The following POLR1C variants were observed in gnomAD, a reference collection of about 807,000 sequenced individuals.
The protein encoded by POLR1C is DNA-directed RNA polymerases I and III subunit RPAC1.
A neutral mutation model predicts 38.3 loss-of-function variants in POLR1C; 42 were observed. The ratio of observed to expected loss-of-function variants is 1.10; its 90% CI spans 0.86 to 1.42. The LOEUF (loss-of-function observed/expected upper bound fraction) is 1.42. POLR1C is among the 40% of genes most tolerant of loss of function. The pLI is 0.00. For missense variants in POLR1C, 507 were observed against 450.5 expected (o/e 1.13, Z -1.14); for synonymous variants, 163 against 163.9 (o/e 0.99, Z 0.04).
At chr6:43,553,403 G>T (rs1435142612) in intron 10 of POLR1C, 1 of 1,607,832 alleles carries the variant, frequency 6.2e-7, no homozygotes, top group East Asian at 2.2e-5. Context: ...ACATCTGGGT[G>T]ATAACACTTT....
intron 8 of POLR1C, chr6:43,528,076 C>T: frequency 1.4e-6 from 2 of 1,382,246 alleles, no homozygotes; most frequent in South Asian, 1.3e-5. Context: ...CCTGGGACAG[C>T]AGAATCCCTG....
chr6:43,525,918 T>C (rs1468330709), downstream of POLR1C: 1 of 1,613,970 alleles, frequency 6.2e-7, no homozygotes, highest in Non-Finnish European at 8.5e-7. Context: ...CATCATTTCT[T>C]CATCTGTTAT....
At chr6:43,537,140 CTT>C (rs70990198) in intron 9 of POLR1C, among the ~76,000 whole-genome samples, 14 of 137,128 alleles carry the variant, frequency 1.0e-4, no homozygotes, top group Admixed American at 2.2e-4. Context: ...ATAATTAAAA[CTT>C]TTTTTTTTTT....
chr6:43,536,758 T>TAAAAAAAAAAAAAAAAA (rs1156884252), intron 9 of POLR1C, among the ~76,000 whole-genome samples: 3 of 19,100 alleles, frequency 1.6e-4, no homozygotes, highest in Admixed American at 8.9e-4. Context: ...AGACTCTATC[T>TAAAAAAAAAAAAAAAAA]AAAAAAAAAA....
exon 11 of POLR1C, chr6:43,562,066 T>C: frequency 2.2e-6 from 1 of 455,030 alleles, no homozygotes; most frequent in East Asian, 3.4e-5. Flanking sequence ...AAAAGAAATT[T>C]AGATCACTCA....
chr6:43,520,209 G>A (rs200847882), intron 5 of POLR1C, 24 bp downstream of exon 5: 1 of 1,614,024 alleles, frequency 6.2e-7, no homozygotes, highest in African/African-American at 1.3e-5. Context: ...GGGTGAGGAA[G>A]AGGCCCCACC....
At chr6:43,542,147 A>AT (rs936344999) in intron 9 of POLR1C, among the ~76,000 whole-genome samples, 2 of 152,036 alleles carry the variant, frequency 1.3e-5, no homozygotes, top group African/African-American at 4.8e-5. Flanking sequence ...AGTCATTTTT[A>AT]TTTTTTAATT....
At chr6:43,529,378 TAAAAAAAA>T (rs35493258) in exon 9 of POLR1C, 18 of 121,816 alleles carry the variant, frequency 1.5e-4, no homozygotes, top group Admixed American at 9.5e-4. Context: ...CCGTCTCTAC[TAAAAAAAA>T]AAAAAAAAAA....
intron 9 of POLR1C, chr6:43,547,448 T>G: frequency 1.4e-6 from 1 of 720,562 alleles, no homozygotes. Flanking sequence ...ACTCAAGAAT[T>G]CAAGACTAAA....
rs751891968 is a variant in POLR1C at position 43,519,667 on chromosome 6, T to C, written c.250-39T>C. ...TTACGGGGATAGGTAGGGGGTCTGTTGGGTTTTTGCAGATAAGTGGTTATT... is the reference window on the plus strand; with the variant it reads ...TTACGGGGATAGGTAGGGGGTCTGTCGGGTTTTTGCAGATAAGTGGTTATT... On this transcript the variant is annotated intron_variant, in intron 3 of 8. Coordinates refer to ENST00000642195, the MANE Select transcript of POLR1C (RefSeq NM_203290.4). 1.9e-6 allele frequency: 3 copies of C among 1,614,112 alleles called. No homozygotes were observed. In the South Asian group the frequency reaches 3.3e-5, roughly 18 times the overall value.
downstream of POLR1C, among the ~76,000 whole-genome samples, chr6:43,532,661 T>G (rs1417326366): frequency 6.6e-6 from 1 of 152,190 alleles, no homozygotes; most frequent in Admixed American, 6.5e-5. Flanking sequence ...CCTAGCTAGT[T>G]CGTACTCATC....
rs1220959971 is a variant in POLR1C at position 43,521,315 on chromosome 6, G to C, written c.*15G>C. The C allele has an allele frequency of 6.2e-7, 1 of 1,611,928 alleles. No homozygotes were observed. The highest frequency in any genetic ancestry group is 8.5e-7 in the Non-Finnish European group (1 of 1,179,950). ...AGATGGACTGAGCTTGGATGCTTCTGAGGCAAGCTGAAGCTTTGGGTTCTG... is the reference window on the plus strand; with the variant it reads ...AGATGGACTGAGCTTGGATGCTTCTCAGGCAAGCTGAAGCTTTGGGTTCTG... On this transcript the variant is annotated 3_prime_UTR_variant, in exon 9 of 9. Coordinates refer to ENST00000642195, the MANE Select transcript of POLR1C (RefSeq NM_203290.4).
intron 9 of POLR1C, chr6:43,548,529 A>G: frequency 7.4e-7 from 1 of 1,357,002 alleles, no homozygotes; most frequent in Admixed American, 3.0e-5. Flanking sequence ...TGGCTTACTC[A>G]AGGAAGAAAG....
At position 43,557,165 on chromosome 6, in the gene POLR1C, G is replaced by A. The variant is rs1009614371; in HGVS notation, c.*49-4235G>A. On this transcript the variant is annotated intron_variant, in intron 10 of 10. Coordinates refer to the POLR1C transcript ENST00000607635. ...AAAAAGGCTGGGTGTGGTGGCTTAC[G>A]CCTGTAATCCTAGTACTTTGGGAAG... 5.0e-5 allele frequency among the ~76,000 whole-genome samples: 7 copies of A among 139,598 alleles called. No homozygotes were observed. In the East Asian group the frequency reaches 1.5e-3, roughly 30 times the overall value. The allele number at this position is 139,598 out of a possible 152,430, so 91.6% of individuals were successfully genotyped here. A position where few individuals can be genotyped will look rare whatever the true frequency, so the allele number is the denominator to read the frequency against.
intron 9 of POLR1C, chr6:43,539,141 C>T (rs1235661376): frequency 2.2e-5 from 26 of 1,158,726 alleles, no homozygotes; most frequent in Middle Eastern, 2.7e-4. Context: ...CACAGAGCCA[C>T]GGCGGCCTGT....
intron 9 of POLR1C, among the ~76,000 whole-genome samples, chr6:43,548,933 T>C (rs1254157113): frequency 1.3e-5 from 2 of 151,948 alleles, no homozygotes; most frequent in Admixed American, 1.3e-4. Flanking sequence ...TAGTAAAGAG[T>C]TGTAGAATTA....
intron 9 of POLR1C, chr6:43,548,608 C>T (rs1795077977): frequency 1.5e-6 from 1 of 657,260 alleles, no homozygotes; most frequent in Non-Finnish European, 2.3e-6. Flanking sequence ...TGTTATATGT[C>T]TTTATTTTGC....
downstream of POLR1C, chr6:43,525,318 C>G (rs1036332533): frequency 6.6e-5 from 73 of 1,112,384 alleles, no homozygotes; most frequent in Middle Eastern, 7.6e-4. Flanking sequence ...TTCCTCCCCC[C>G]CTCTAAAGAT....
intron 9 of POLR1C, among the ~76,000 whole-genome samples, chr6:43,535,797 G>C (rs113185283): frequency 2.2e-5 from 3 of 135,374 alleles, no homozygotes; most frequent in Admixed American, 7.7e-5. Flanking sequence ...CTGTGTGACA[G>C]AGCGAGACTC....
Sources: gnomAD v4.1 joint callset for allele counts (sites outside exome capture counted in the v4.1 genomes callset) on GRCh38, gnomAD v4.1.1 for gene constraint, MANE v1.5 for transcripts, NCBI Gene and HGNC (gene_info 2026-07-23, HGNC 2026-07-21) for gene names.